The following ZFPM2 variants were observed in gnomAD, a reference collection of about 807,000 sequenced individuals.
ZFPM2 encodes zinc finger protein, FOG family member 2, also known as zinc finger protein ZFPM2.
In ZFPM2, 20 loss-of-function variants were observed where a neutral mutation model predicts 98.6. The observed-to-expected ratio is 0.20, with a 90% CI of 0.14 to 0.29. The LOEUF (loss-of-function observed/expected upper bound fraction) is 0.29. Ranked by LOEUF, ZFPM2 falls within the 10% of genes least tolerant of loss-of-function variation. The pLI, the probability that ZFPM2 is intolerant of heterozygous loss-of-function variation, is 1.00. For synonymous variants in ZFPM2, 518 were observed against 502.7 expected, an observed-to-expected ratio of 1.03 and a Z score of -0.41; for missense variants, 1,310 against 1,388.6, an observed-to-expected ratio of 0.94 and a Z score of 0.90.
intron 3 of ZFPM2, among the ~76,000 whole-genome samples, chr8:105,543,339 A>G (rs1814621403): frequency 6.6e-6 from 1 of 152,158 alleles, no homozygotes; most frequent in Non-Finnish European, 1.5e-5. Context: ...TACAAAAATT[A>G]GCCTAGCTTG....
At chr8:105,622,882 T>C (rs1289974856) in intron 4 of ZFPM2, among the ~76,000 whole-genome samples, 1 of 152,180 alleles carries the variant, frequency 6.6e-6, no homozygotes, top group Admixed American at 6.6e-5. Flanking sequence ...GATATTAATA[T>C]AGTAAATTTT....
intron 3 of ZFPM2, among the ~76,000 whole-genome samples, chr8:105,533,237 A>G (rs1180521341): frequency 6.6e-6 from 1 of 152,118 alleles, no homozygotes; most frequent in Non-Finnish European, 1.5e-5. Flanking sequence ...ATTCTCATAA[A>G]CATATTTCAA....
At chr8:105,733,485 G>A (rs369914955) in intron 5 of ZFPM2, among the ~76,000 whole-genome samples, 1 of 151,826 alleles carries the variant, frequency 6.6e-6, no homozygotes, top group East Asian at 2.0e-4. Flanking sequence ...CTATAACCTG[G>A]AATTTGTGTT....
intron 3 of ZFPM2, among the ~76,000 whole-genome samples, chr8:105,544,457 G>C (rs994305007): frequency 6.6e-6 from 1 of 152,016 alleles, no homozygotes; most frequent in African/African-American, 2.4e-5. Context: ...ATTCTATTAA[G>C]TAGTCTCATT....
At chr8:105,788,240 A>G (rs1208580214) in intron 5 of ZFPM2, among the ~76,000 whole-genome samples, 1 of 152,154 alleles carries the variant, frequency 6.6e-6, no homozygotes, top group Non-Finnish European at 1.5e-5. Flanking sequence ...TAGTTTGGGC[A>G]TTGGTATTGA....
intron 4 of ZFPM2, among the ~76,000 whole-genome samples, chr8:105,626,560 C>T (rs1371905537): frequency 2.0e-5 from 3 of 151,734 alleles, no homozygotes; most frequent in Non-Finnish European, 4.4e-5. Flanking sequence ...GGGGGGTTGG[C>T]AGTGGTGGTG....
chr8:105,705,662 G>T (rs1403917308), intron 5 of ZFPM2, among the ~76,000 whole-genome samples: 1 of 152,100 alleles, frequency 6.6e-6, no homozygotes, highest in Non-Finnish European at 1.5e-5. Context: ...ATGCATCAAA[G>T]ACTTTGCTAG....
chr8:105,424,123 C>T (rs563350612), intron 2 of ZFPM2, among the ~76,000 whole-genome samples: 1 of 152,132 alleles, frequency 6.6e-6, no homozygotes, highest in Non-Finnish European at 1.5e-5. Context: ...AACCAAACAC[C>T]ACCTGTTCCC....
intron 5 of ZFPM2, among the ~76,000 whole-genome samples, chr8:105,684,127 C>T (rs1015199205): frequency 5.3e-5 from 8 of 152,230 alleles, no homozygotes; most frequent in African/African-American, 1.9e-4. Flanking sequence ...AAGTATATTA[C>T]GGCTTCCCTG....
intron 3 of ZFPM2, among the ~76,000 whole-genome samples, chr8:105,508,796 C>G (rs1176400081): frequency 1.5e-5 from 2 of 129,954 alleles, no homozygotes; most frequent in Non-Finnish European, 3.1e-5. Flanking sequence ...AGAAAACGTT[C>G]AGATTTTTTT....
chr8:105,451,358 C>A (rs1313466883), intron 3 of ZFPM2, among the ~76,000 whole-genome samples: 1 of 152,118 alleles, frequency 6.6e-6, no homozygotes, highest in African/African-American at 2.4e-5. Flanking sequence ...AGTAGAAGCT[C>A]CCTCTCTAAA....
At chr8:105,477,976 A>G (rs1477760467) in intron 3 of ZFPM2, among the ~76,000 whole-genome samples, 9 of 152,166 alleles carry the variant, frequency 5.9e-5, no homozygotes, top group African/African-American at 1.4e-4. Context: ...GCACAGTGCA[A>G]TTACTTCCAT....
intron 5 of ZFPM2, among the ~76,000 whole-genome samples, chr8:105,746,957 C>T (rs1383821386): frequency 6.6e-6 from 1 of 151,964 alleles, no homozygotes; most frequent in Non-Finnish European, 1.5e-5. Flanking sequence ...TGTTATTTTC[C>T]TCTGAAATAT....
rs1190096987 is a variant in ZFPM2, at chr8:105,418,858, C to CA, written c.41-279dup. The CA allele has an allele frequency of 2.2e-5, 12 of 548,518 alleles. No homozygotes were observed. The East Asian group carries it at 4.7e-4, about 22-fold the overall frequency. The allele number at this position is 548,518 out of a possible 1,614,324, so 34.0% of individuals were successfully genotyped here. On this transcript the variant is annotated intron_variant, in intron 1 of 7. Transcript: ENST00000407775. The stretch of plus-strand genomic sequence containing the variant: ...ACAGTTTTGCTCTTAAAGAGCGAAT[C>CA]AAAAAAATAAGTTTGGGGCTTGAGG...
intron 4 of ZFPM2, among the ~76,000 whole-genome samples, chr8:105,597,833 C>T (rs1816003008): frequency 6.6e-6 from 1 of 151,902 alleles, no homozygotes. Flanking sequence ...GAATCAAATT[C>T]CTAATAGTAC....
chr8:105,733,855 A>G (rs1335304194), intron 5 of ZFPM2, among the ~76,000 whole-genome samples: 16 of 151,968 alleles, frequency 1.1e-4, no homozygotes, highest in African/African-American at 3.9e-4. Flanking sequence ...TTTGATTCAG[A>G]TTCTGTTGTC....
At chr8:105,707,664 T>C (rs1811295243) in intron 5 of ZFPM2, among the ~76,000 whole-genome samples, 1 of 152,222 alleles carries the variant, frequency 6.6e-6, no homozygotes, top group Non-Finnish European at 1.5e-5. Flanking sequence ...AATGTAAATG[T>C]ATTAATACTG....
rs1307321824 is a variant in ZFPM2 at position 105,380,735 on chromosome 8, ATTATATATATATG to A, written c.41-38399_41-38387del. On this transcript the variant is annotated intron_variant, in intron 1 of 7. Coordinates refer to ENST00000407775, the MANE Select transcript of ZFPM2 (RefSeq NM_012082.4). The stretch of plus-strand genomic sequence containing the variant: ...TATATATATTATATATAACATATAT[ATTATATATATATG>A]TTATATATAACATATATAATATATA... 1.1e-4 allele frequency among the ~76,000 whole-genome samples: 5 copies of A among 44,346 alleles called. 1 individual carries two copies. The highest frequency in any genetic ancestry group is 8.5e-4 in the Admixed American group (2 of 2,340). 29.1% of individuals were successfully genotyped at this position (44,346 alleles called of 152,430 possible). A position where few individuals can be genotyped will look rare whatever the true frequency, so the allele number is the denominator to read the frequency against.
At chr8:105,799,769 C>T (rs1336668677) in intron 7 of ZFPM2, among the ~76,000 whole-genome samples, 1 of 152,094 alleles carries the variant, frequency 6.6e-6, no homozygotes, top group Non-Finnish European at 1.5e-5. Flanking sequence ...AGTTTTTCAG[C>T]ACCTATAATA....
Sources: allele counts gnomAD v4.1 joint callset (sites outside exome capture counted in the v4.1 genomes callset), GRCh38; gene constraint gnomAD v4.1.1; transcripts MANE v1.5; gene names NCBI Gene and HGNC (gene_info 2026-07-23, HGNC 2026-07-21).